The following DOP1A variants were observed in gnomAD, a reference collection of about 807,000 sequenced individuals.
DOP1A encodes the protein DOP1 leucine zipper like protein A.
DOP1A carries 90 observed loss-of-function variants against 267.6 expected under a neutral mutation model. The observed-to-expected ratio is 0.34, with a 90% CI of 0.28 to 0.40. DOP1A has a LOEUF of 0.40. Among genes scored for constraint, DOP1A ranks in the 10% least tolerant of loss-of-function variants. The probability of loss-of-function intolerance (pLI) is 1.00; values close to 1 mark genes in which losing one functional copy is unlikely to be tolerated. For synonymous variants in DOP1A, 932 were observed against 999.1 expected (o/e 0.93, Z 1.27); for missense variants, 2,437 against 2,900.4 (o/e 0.84, Z 3.67).
chr6:83,157,264 A>G lies in DOP1A; in HGVS notation c.6687A>G (p.Leu2229=). ...QVFLFFRVLL[L]RMSPQHLTSL... is the part of the protein sequence containing the mutation. ...TCCTGTTTTTCAGAGTGTTACTTTT[A>G]AGAATGTCTCCCCAACATCTTACCT... Residue 2229 remains leucine (L), a synonymous_variant, in exon 35 of 39, where the codon TTA becomes TTG. Transcript: ENST00000349129. 1 of 1,613,988 alleles carries G rather than the reference A, an allele frequency of 6.2e-7. No individual in the cohort carries two copies. The highest frequency in any genetic ancestry group is 1.3e-5 in the African/African-American group (1 of 75,036).
intron 1 of DOP1A, among the ~76,000 whole-genome samples, chr6:83,096,182 G>C (rs1771473109): frequency 6.6e-6 from 1 of 151,826 alleles, no homozygotes; most frequent in Non-Finnish European, 1.5e-5. Flanking sequence ...TGAACTCTTG[G>C]ACTCAAGCTA....
intron 4 of DOP1A, among the ~76,000 whole-genome samples, chr6:83,101,823 TAAAC>T (rs1286624893): frequency 6.6e-6 from 1 of 152,220 alleles, no homozygotes; most frequent in African/African-American, 2.4e-5. Context: ...TTACTGTAGA[TAAAC>T]AAATTAACAT....
chr6:83,166,995 C>G, intron 38 of DOP1A: 1 of 985,840 alleles, frequency 1.0e-6, no homozygotes, highest in Non-Finnish European at 1.2e-6. Context: ...AACCTGTTCT[C>G]TCTTATCTTT....
At chr6:83,150,164 CAG>C (rs1206047488) in intron 27 of DOP1A, among the ~76,000 whole-genome samples, 1 of 152,134 alleles carries the variant, frequency 6.6e-6, no homozygotes, top group African/African-American at 2.4e-5. Flanking sequence ...TGCTTGAGCC[CAG>C]AGTTTGAGAC....
intron 23 of DOP1A, among the ~76,000 whole-genome samples, chr6:83,141,688 T>G (rs1779669479): frequency 6.6e-6 from 1 of 152,232 alleles, no homozygotes; most frequent in South Asian, 2.1e-4. Flanking sequence ...CTTTTCACAG[T>G]GAATAGACTT....
chr6:83,072,769 T>C (rs552564444), intron 1 of DOP1A, among the ~76,000 whole-genome samples: 1 of 152,368 alleles, frequency 6.6e-6, no homozygotes, highest in East Asian at 1.9e-4. Flanking sequence ...CTGAAACCTT[T>C]AGAATATGTG....
Position 83,145,375 on chromosome 6 carries a change from G to A in DOP1A, c.5542-149G>A, listed in dbSNP as rs1394050630. 3 of 608,526 alleles carry A rather than the reference G, an allele frequency of 4.9e-6. No homozygotes were observed. The Admixed American group carries it at 1.2e-4, about 24-fold the overall frequency. 37.7% of individuals were successfully genotyped at this position (608,526 alleles called of 1,614,324 possible). On this transcript the variant is annotated intron_variant, in intron 24 of 38. Coordinates refer to ENST00000349129, the MANE Select transcript of DOP1A (RefSeq NM_015018.4). ...GGCAGGAGGATCATTTTGAGCACAG[G>A]AGTTTGAGACCAGGCTGGGCAAAAT...
chr6:83,137,232 G>T lies in DOP1A; in HGVS notation c.3190G>T (p.Glu1064Ter). 6.2e-7 allele frequency: 1 copy of T among 1,604,308 alleles called. No individual in the cohort carries two copies. The highest frequency in any genetic ancestry group is 8.5e-7 in the Non-Finnish European group (1 of 1,174,086). Residue 1064 changes from glutamate to a stop codon, truncating the protein, a stop_gained, in exon 21 of 39, where the codon GAA becomes TAA. Transcript: ENST00000349129. LOFTEE classifies it high-confidence loss of function. ...TGGTGAAAAGCCACTTACCATGGAT[G>T]AAATAGAGAACTTTAGTCTCACTGT... ...GNGEKPLTMD[E>*]IENFSLTVNP...
At chr6:83,165,972 G>T in intron 38 of DOP1A, 1 of 335,676 alleles carries the variant, frequency 3.0e-6, no homozygotes, top group East Asian at 8.0e-5. Flanking sequence ...ACCATTTTTT[G>T]GAGCAAGTTT....
At chr6:83,143,036 G>T (rs76698685) in intron 24 of DOP1A, among the ~76,000 whole-genome samples, 4 of 151,992 alleles carry the variant, frequency 2.6e-5, no homozygotes, top group Admixed American at 2.0e-4. Flanking sequence ...ACATTATTTT[G>T]CATGTGAAGA....
rs775972335 is a variant in DOP1A at position 83,100,906 on chromosome 6, A to G, written c.320+20A>G. On this transcript the variant is annotated intron_variant, in intron 4 of 38. Transcript: ENST00000349129. ...ATATAGGTAAGAATAATTTTACTAT[A>G]TATATACAAATAATATAAAGAAAAT... 7.5e-5 allele frequency: 100 copies of G among 1,325,172 alleles called. No homozygotes were observed. The highest frequency in any genetic ancestry group is 9.1e-5 in the Non-Finnish European group (92 of 1,008,314). 82.1% of individuals were successfully genotyped at this position (1,325,172 alleles called of 1,614,324 possible). A position where few individuals can be genotyped will look rare whatever the true frequency, so the allele number is the denominator to read the frequency against.
intron 1 of DOP1A, among the ~76,000 whole-genome samples, chr6:83,090,439 G>C (rs867663951): frequency 6.6e-6 from 1 of 152,118 alleles, no homozygotes; most frequent in Non-Finnish European, 1.5e-5. Context: ...CTGTTATTAA[G>C]TATGTCTATT....
Position 83,099,723 on chromosome 6 carries a change from T to TATATATATACACACGTATAC in DOP1A, c.139-968_139-949dup, listed in dbSNP as rs1351109715. Among the ~76,000 whole-genome samples, 581 of 151,098 alleles carry TATATATATACACACGTATAC rather than the reference T, an allele frequency of 3.8e-3. 3 individuals carry two copies. Among genetic ancestry groups the TATATATATACACACGTATAC allele is most frequent in the African/African-American group, 0.014 (556 of 40,854 alleles). ...GTGTGTGTGTGTATATACATATATA[T>TATATATATACACACGTATAC]ATATATATACACACGTATACATATA... On this transcript the variant is annotated intron_variant, in intron 3 of 38. Coordinates refer to ENST00000349129, the MANE Select transcript of DOP1A (RefSeq NM_015018.4).
At chr6:83,110,415 T>C (rs867571994) in intron 6 of DOP1A, 101 bp downstream of exon 6, 1 of 1,174,886 alleles carries the variant, frequency 8.5e-7, no homozygotes, top group Middle Eastern at 2.5e-4. Context: ...AAAGTTCCTA[T>C]TTTCATCGAG....
Position 83,138,824 on chromosome 6 carries a change from C to A in DOP1A, c.4782C>A (p.His1594Gln). 1 of 1,613,996 alleles carries A rather than the reference C, an allele frequency of 6.2e-7. No individual in the cohort carries two copies. The highest frequency in any genetic ancestry group is 8.5e-7 in the Non-Finnish European group (1 of 1,179,924). Residue 1594 changes from histidine (H) to glutamine (Q), a missense_variant, in exon 21 of 39, where the codon CAC (histidine) becomes CAA (glutamine). His to Gln is a conservative substitution (Grantham distance 24, BLOSUM62 0). Around this residue, in one of 9 missense-constraint regions of DOP1A, gnomAD observed 878 missense variants for 992.9 expected, o/e 0.88. Transcript: ENST00000349129. ...TTCAGAGGCTGATTGTTCTAGAACA[C>A]AGAGTAATGACTATTCCTGAAGAGA... ...KVLQRLIVLE[H>Q]RVMTIPEENE...
At chr6:83,149,699 C>G (rs915605617) in intron 27 of DOP1A, among the ~76,000 whole-genome samples, 5 of 151,980 alleles carry the variant, frequency 3.3e-5, no homozygotes, top group African/African-American at 1.2e-4. Flanking sequence ...AGAGGCTAGA[C>G]TAGGAATTCT....
downstream of DOP1A, chr6:83,169,445 A>G: frequency 8.5e-7 from 1 of 1,171,152 alleles, no homozygotes; most frequent in Non-Finnish European, 1.2e-6. Flanking sequence ...TTTCACTAAC[A>G]AATTCTAATG....
chr6:83,117,643 A>G (rs1277380815), intron 7 of DOP1A, among the ~76,000 whole-genome samples: 1 of 152,156 alleles, frequency 6.6e-6, no homozygotes, highest in African/African-American at 2.4e-5. Flanking sequence ...TTTATCCACT[A>G]TTGCATGATC....
At chr6:83,159,538 G>A (rs1288511811) in intron 36 of DOP1A, among the ~76,000 whole-genome samples, 2 of 151,644 alleles carry the variant, frequency 1.3e-5, no homozygotes, top group Non-Finnish European at 2.9e-5. Flanking sequence ...CATTCCACCC[G>A]CCTTGGCATC....
Sources: gnomAD v4.1 joint callset for allele counts (sites outside exome capture counted in the v4.1 genomes callset) on GRCh38, gnomAD v4.1.1 for gene constraint, gnomAD v4.1.1 regional missense constraint, MANE v1.5 for transcripts, NCBI Gene and HGNC (gene_info 2026-07-23, HGNC 2026-07-21) for gene names.